RP1: variants seen among roughly 807,000 people sequenced by gnomAD.
RP1 encodes the protein oxygen-regulated protein 1.
RP1 carries 16 observed loss-of-function variants against 14.8 expected under a neutral mutation model. That is an observed-to-expected ratio of 1.08 (90% CI 0.73 to 1.65). The LOEUF is 1.65. Among genes scored for constraint, RP1 ranks in the 40% most tolerant of loss-of-function variants. The pLI, the probability that RP1 is intolerant of heterozygous loss-of-function variation, is 0.00. For missense variants in RP1, 2,631 were observed against 2,535.0 expected (o/e 1.04, Z -0.81); for synonymous variants, 876 against 883.6 (o/e 0.99, Z 0.15).
intron 12 of RP1, among the ~76,000 whole-genome samples, chr8:54,694,109 G>C (rs1246580299): frequency 6.6e-6 from 1 of 152,088 alleles, no homozygotes; most frequent in East Asian, 1.9e-4. Context: ...CTATTTATAT[G>C]CTGGATTACA....
chr8:54,606,130 C>A (rs899797667), intron 1 of RP1, among the ~76,000 whole-genome samples: 3 of 152,166 alleles, frequency 2.0e-5, no homozygotes, highest in African/African-American at 7.2e-5. Context: ...GCAGTTTCTT[C>A]CTAACTTTGA....
intron 24 of RP1, among the ~76,000 whole-genome samples, chr8:54,831,836 A>G (rs538691632): frequency 6.6e-6 from 1 of 151,532 alleles, no homozygotes; most frequent in Non-Finnish European, 1.5e-5. Flanking sequence ...TTGTAGTACA[A>G]GTTGGCTAGT....
At chr8:54,812,793 CTATCTATCTATCT>C (rs1322662800) in intron 24 of RP1, among the ~76,000 whole-genome samples, 1 of 150,064 alleles carries the variant, frequency 6.7e-6, no homozygotes, top group Non-Finnish European at 1.5e-5. Flanking sequence ...ATCTATCTAT[CTATCTATCTATCT>C]ATCTCTCCGT....
chr8:54,842,619 T>G (rs916771455), intron 25 of RP1, among the ~76,000 whole-genome samples: 9 of 152,176 alleles, frequency 5.9e-5, no homozygotes, highest in Admixed American at 4.6e-4. Context: ...AAAGAGCACT[T>G]TGGGATTAGT....
At chr8:54,697,057 T>TAGAGTGGGC in intron 12 of RP1, 1 of 1,568,178 alleles carries the variant, frequency 6.4e-7, no homozygotes, top group Non-Finnish European at 8.7e-7. Flanking sequence ...CTACCAAAAA[T>TAGAGTGGGC]AGAGTGGGCT....
At chr8:54,839,800 A>G (rs1811748371) in intron 25 of RP1, among the ~76,000 whole-genome samples, 1 of 152,228 alleles carries the variant, frequency 6.6e-6, no homozygotes, top group Non-Finnish European at 1.5e-5. Context: ...ATTCAGACAC[A>G]GCAAGAAAGA....
chr8:54,755,709 G>C, exon 21 of RP1: 2 of 1,535,712 alleles, frequency 1.3e-6, no homozygotes, highest in Non-Finnish European at 1.7e-6. Flanking sequence ...GGGGAGAGGG[G>C]AGACTCTGGC....
At chr8:54,696,354 A>ATTGG (rs1160355282) in intron 12 of RP1, 3 of 539,868 alleles carry the variant, frequency 5.6e-6, no homozygotes, top group Middle Eastern at 5.3e-4. Flanking sequence ...GAAATGAAGG[A>ATTGG]TTGGTTCATT....
chr8:54,810,810 GA>G (rs1810972553), intron 24 of RP1, among the ~76,000 whole-genome samples: 1 of 152,168 alleles, frequency 6.6e-6, no homozygotes, highest in Admixed American at 6.5e-5. Flanking sequence ...GTTGATGATA[GA>G]AAAGGGCATA....
exon 22 of RP1, chr8:54,758,924 T>G: frequency 6.5e-7 from 1 of 1,535,540 alleles, no homozygotes; most frequent in Non-Finnish European, 8.7e-7. Flanking sequence ...TGCACCAGAT[T>G]GATAAATTTC....
At chr8:54,833,036 T>C (rs10113589) in intron 24 of RP1, among the ~76,000 whole-genome samples, 46,433 of 151,822 alleles carry the variant, frequency 0.31, 7,305 homozygotes, top group South Asian at 0.37. Flanking sequence ...TGTTTTCTCT[T>C]TGAGCTCCTT....
intron 25 of RP1, among the ~76,000 whole-genome samples, chr8:54,839,070 C>A (rs1360722195): frequency 6.6e-6 from 1 of 152,168 alleles, no homozygotes; most frequent in Non-Finnish European, 1.5e-5. Flanking sequence ...ATTTCTCCAA[C>A]CTTGACCTTC....
intron 16 of RP1, among the ~76,000 whole-genome samples, chr8:54,722,054 C>A (rs542654617): frequency 3.9e-5 from 6 of 151,990 alleles, no homozygotes; most frequent in Admixed American, 2.0e-4. Context: ...ACCGGCCTGG[C>A]CAACATGGTG....
chr8:54,614,521 A>G (rs556301712), upstream of RP1, among the ~76,000 whole-genome samples: 4 of 152,180 alleles, frequency 2.6e-5, no homozygotes, highest in African/African-American at 7.2e-5. Flanking sequence ...TGCACCTTCA[A>G]GCTTGGGAAG....
chr8:54,769,536 G>A (rs929754246), intron 22 of RP1, among the ~76,000 whole-genome samples: 1 of 152,126 alleles, frequency 6.6e-6, no homozygotes, highest in African/African-American at 2.4e-5. Flanking sequence ...CAAGCCACAG[G>A]TATGATTCTT....
At chr8:54,592,127 T>C (rs1338228845) in intron 1 of RP1, among the ~76,000 whole-genome samples, 1 of 152,228 alleles carries the variant, frequency 6.6e-6, no homozygotes, top group Non-Finnish European at 1.5e-5. Flanking sequence ...TATTTGCAAT[T>C]CATTTGGGAT....
At chr8:54,597,177 G>A (rs1206864794) in intron 1 of RP1, among the ~76,000 whole-genome samples, 2 of 152,138 alleles carry the variant, frequency 1.3e-5, no homozygotes, top group Non-Finnish European at 2.9e-5. Flanking sequence ...GAATACTACT[G>A]CAAAGTGGTT....
chr8:54,672,691 C>G (rs1807204778), intron 7 of RP1, among the ~76,000 whole-genome samples: 1 of 152,040 alleles, frequency 6.6e-6, no homozygotes, highest in Admixed American at 6.6e-5. Flanking sequence ...ATGTAGAAGC[C>G]AAATACATTA....
intron 24 of RP1, among the ~76,000 whole-genome samples, chr8:54,810,401 G>C (rs1810962239): frequency 6.6e-6 from 1 of 152,096 alleles, no homozygotes; most frequent in Non-Finnish European, 1.5e-5. Context: ...GATTTTTTAA[G>C]TCCCACCACT....
Sources: allele counts gnomAD v4.1 joint callset (sites outside exome capture counted in the v4.1 genomes callset), GRCh38; gene constraint gnomAD v4.1.1; transcripts MANE v1.5; gene names NCBI Gene and HGNC (gene_info 2026-07-23, HGNC 2026-07-21).